MSRA: variants seen among roughly 807,000 people sequenced by gnomAD.
MSRA encodes mitochondrial peptide methionine sulfoxide reductase.
In MSRA, 54 loss-of-function variants were observed where a neutral mutation model predicts 31.3. That is an observed-to-expected ratio of 1.73 (90% CI 1.39 to 2.17). MSRA has a LOEUF of 2.17. MSRA is among the 30% of genes most tolerant of loss of function. The pLI is 0.00. For missense variants in MSRA, 507 were observed against 300.9 expected, an observed-to-expected ratio of 1.69 and a Z score of -5.07; for synonymous variants, 169 against 116.5, an observed-to-expected ratio of 1.45 and a Z score of -2.90.
At chr8:10,321,264 C>G (rs2129138529) in intron 5 of MSRA, among the ~76,000 whole-genome samples, 1 of 152,172 alleles carries the variant, frequency 6.6e-6, no homozygotes, top group South Asian at 2.1e-4. Flanking sequence ...GACAGTAGAG[C>G]TAGAAGCTAC....
intron 3 of MSRA, among the ~76,000 whole-genome samples, chr8:10,256,774 C>G (rs575164014): frequency 1.3e-5 from 2 of 152,168 alleles, no homozygotes; most frequent in East Asian, 3.9e-4. Context: ...CTCTGTCCCC[C>G]CGAGGCGAAG....
chr8:10,157,013 C>G (rs552688572), intron 1 of MSRA, among the ~76,000 whole-genome samples: 11 of 151,716 alleles, frequency 7.3e-5, no homozygotes, highest in African/African-American at 2.4e-4. Context: ...CCCCACATTA[C>G]CAGGAGGAGA....
intron 1 of MSRA, among the ~76,000 whole-genome samples, chr8:10,083,300 T>C (rs1413741754): frequency 2.0e-5 from 3 of 152,250 alleles, no homozygotes; most frequent in Admixed American, 6.5e-5. Context: ...GTTTTCTGGC[T>C]AATATTCTAA....
At chr8:10,107,976 C>T (rs1483013786) in intron 1 of MSRA, among the ~76,000 whole-genome samples, 3 of 152,146 alleles carry the variant, frequency 2.0e-5, no homozygotes, top group African/African-American at 7.2e-5. Context: ...ATATTTAACC[C>T]AGCTGTCCCT....
intron 1 of MSRA, among the ~76,000 whole-genome samples, chr8:10,078,268 C>G (rs892183153): frequency 6.6e-6 from 1 of 152,158 alleles, no homozygotes; most frequent in Non-Finnish European, 1.5e-5. Flanking sequence ...CCTACTCAGC[C>G]AGTTTGCTAT....
intron 5 of MSRA, among the ~76,000 whole-genome samples, chr8:10,340,616 G>A (rs936540687): frequency 2.0e-5 from 3 of 152,142 alleles, no homozygotes; most frequent in Non-Finnish European, 2.9e-5. Context: ...CAAGTGATCC[G>A]CCTGCCTCAG....
chr8:10,300,879 A>G (rs1267357183), intron 3 of MSRA, among the ~76,000 whole-genome samples: 2 of 152,170 alleles, frequency 1.3e-5, no homozygotes, highest in African/African-American at 4.8e-5. Flanking sequence ...CAGGACCACC[A>G]CTGAGAACAG....
At chr8:10,101,930 T>C (rs777656943) in intron 1 of MSRA, among the ~76,000 whole-genome samples, 1 of 152,190 alleles carries the variant, frequency 6.6e-6, no homozygotes, top group Non-Finnish European at 1.5e-5. Flanking sequence ...GTTGACAATT[T>C]CTTTTTTTTC....
At chr8:10,170,132 C>T (rs1477972301) in intron 1 of MSRA, among the ~76,000 whole-genome samples, 1 of 150,808 alleles carries the variant, frequency 6.6e-6, no homozygotes, top group Non-Finnish European at 1.5e-5. Flanking sequence ...GTGATCTGCC[C>T]ACTTTGGCCT....
At position 10,175,037 on chromosome 8, in the gene MSRA, G is replaced by C. The variant is rs141072105; in HGVS notation, c.143-32796G>C. Among the ~76,000 whole-genome samples, 280 of 152,142 alleles carry C rather than the reference G, an allele frequency of 1.8e-3. 1 individual carries two copies. The highest frequency in any genetic ancestry group is 3.7e-3 in the Admixed American group (56 of 15,264). On this transcript the variant is annotated intron_variant, in intron 1 of 5. Coordinates refer to ENST00000317173, the MANE Select transcript of MSRA (RefSeq NM_012331.5). ...GTTCTCTGACTCATCCGTCCCTTGT[G>C]ATCTACCCGAACATGATTCACCATC...
At chr8:10,141,746 T>A (rs1563143376) in intron 1 of MSRA, among the ~76,000 whole-genome samples, 2 of 152,118 alleles carry the variant, frequency 1.3e-5, no homozygotes, top group East Asian at 3.8e-4. Context: ...TAATTTAGTT[T>A]GCTTTCTTCT....
intron 2 of MSRA, among the ~76,000 whole-genome samples, chr8:10,237,275 A>T (rs1812025811): frequency 6.6e-6 from 1 of 152,230 alleles, no homozygotes; most frequent in African/African-American, 2.4e-5. Flanking sequence ...AATGTCTGCC[A>T]GTTAAGATGA....
At chr8:10,162,442 C>A (rs1804747875) in intron 1 of MSRA, among the ~76,000 whole-genome samples, 1 of 152,142 alleles carries the variant, frequency 6.6e-6, no homozygotes, top group Non-Finnish European at 1.5e-5. Context: ...ACATTGAGTG[C>A]CAACTGTGCT....
At chr8:10,197,366 T>C (rs2129055819) in intron 1 of MSRA, among the ~76,000 whole-genome samples, 1 of 152,310 alleles carries the variant, frequency 6.6e-6, no homozygotes, top group East Asian at 1.9e-4. Context: ...GATGGAGTGC[T>C]TGTGTTGGGA....
At chr8:10,122,052 C>T (rs1008387458) in intron 1 of MSRA, among the ~76,000 whole-genome samples, 1 of 152,036 alleles carries the variant, frequency 6.6e-6, no homozygotes, top group Non-Finnish European at 1.5e-5. Context: ...ACAAGAACAG[C>T]GGTCCTGTAA....
chr8:10,206,703 G>A (rs1809011585), intron 1 of MSRA, among the ~76,000 whole-genome samples: 1 of 152,150 alleles, frequency 6.6e-6, no homozygotes, highest in Admixed American at 6.5e-5. Flanking sequence ...CTCCAGGAGT[G>A]GCAGCGCCTT....
At chr8:10,110,915 G>T (rs879311273) in intron 1 of MSRA, among the ~76,000 whole-genome samples, 2 of 152,136 alleles carry the variant, frequency 1.3e-5, no homozygotes, top group Non-Finnish European at 2.9e-5. Context: ...CAGTTACATG[G>T]TTTTTCTCCT....
intron 5 of MSRA, among the ~76,000 whole-genome samples, chr8:10,371,010 C>T (rs2129170036): frequency 6.6e-6 from 1 of 152,332 alleles, no homozygotes; most frequent in Non-Finnish European, 1.5e-5. Flanking sequence ...AATCCACCCT[C>T]TGCAAATGAT....
At position 10,207,746 on chromosome 8, in the gene MSRA, A is replaced by G. The variant is rs981519928; in HGVS notation, c.143-87A>G. 8 of 1,234,770 alleles carry G rather than the reference A, an allele frequency of 6.5e-6. No individual in the cohort carries two copies. The East Asian group carries it at 1.2e-4, about 19-fold the overall frequency. The allele number at this position is 1,234,770 out of a possible 1,614,324, so 76.5% of individuals were successfully genotyped here. A position where few individuals can be genotyped will look rare whatever the true frequency, so the allele number is the denominator to read the frequency against. On this transcript the variant is annotated intron_variant, in intron 1 of 5. Coordinates refer to ENST00000317173, the MANE Select transcript of MSRA (RefSeq NM_012331.5). ...GGTGCATTTTTAACTCAAAGGAGAA[A>G]TAGGCTCATTGACACATTTAATGAC...
Sources: gnomAD v4.1 joint callset for allele counts (sites outside exome capture counted in the v4.1 genomes callset) on GRCh38, gnomAD v4.1.1 for gene constraint, MANE v1.5 for transcripts, NCBI Gene and HGNC (gene_info 2026-07-23, HGNC 2026-07-21) for gene names.